Variants in LCP1 observed in about 807,000 individuals in gnomAD.
The protein encoded by LCP1 is plastin-2.
LCP1 carries 23 observed loss-of-function variants against 72.0 expected under a neutral mutation model. The ratio of observed to expected loss-of-function variants is 0.32; its 90% confidence interval spans 0.23 to 0.45. The LOEUF (loss-of-function observed/expected upper bound fraction) is 0.45, where lower values mean the gene tolerates loss of function less well. Ranked by LOEUF, LCP1 falls within the 20% of genes least tolerant of loss-of-function variation. LCP1 has a pLI of 1.00. For missense variants in LCP1, 571 were observed against 748.3 expected, an observed-to-expected ratio of 0.76 and a Z score of 2.76; for synonymous variants, 245 against 275.4, an observed-to-expected ratio of 0.89 and a Z score of 1.09.
At chr13:46,136,657 T>C (rs953719306) in intron 13 of LCP1, among the ~76,000 whole-genome samples, 3 of 152,234 alleles carry the variant, frequency 2.0e-5, no homozygotes, top group African/African-American at 7.2e-5. Flanking sequence ...TTACATTTTA[T>C]GGCATAACTG....
chr13:46,146,210 T>C (rs748246417), intron 10 of LCP1, among the ~76,000 whole-genome samples: 6 of 152,166 alleles, frequency 3.9e-5, no homozygotes, highest in Admixed American at 6.5e-5. Flanking sequence ...GCATTTCTAG[T>C]GAGAGTAAAG....
chr13:46,158,018 T>C (rs7996536), intron 4 of LCP1, among the ~76,000 whole-genome samples: 16,645 of 152,204 alleles, frequency 0.11, 3,069 homozygotes, highest in African/African-American at 0.38. Flanking sequence ...TGAGCCACTG[T>C]GCCCGGCCTC....
intron 13 of LCP1, among the ~76,000 whole-genome samples, chr13:46,140,366 TCCCA>T (rs1235686075): frequency 4.6e-5 from 7 of 152,128 alleles, no homozygotes; most frequent in Admixed American, 4.6e-4. Context: ...AAAAATTTGT[TCCCA>T]CCAGCTGGAG....
chr13:46,162,606 A>G (rs936466679), intron 1 of LCP1, among the ~76,000 whole-genome samples: 2 of 151,962 alleles, frequency 1.3e-5, no homozygotes, highest in Non-Finnish European at 2.9e-5. Context: ...TCAGTGCTCA[A>G]TGTTGCCCAG....
intron 3 of LCP1, 23 bp from the exon 4 acceptor site, chr13:46,158,674 T>C (rs941418989): frequency 6.2e-7 from 1 of 1,613,958 alleles, no homozygotes; most frequent in Admixed American, 1.7e-5. Context: ...AATGTATCTT[T>C]AGAAACTCAA....
chr13:46,157,843 C>T (rs1165337037), intron 4 of LCP1, among the ~76,000 whole-genome samples: 1 of 147,314 alleles, frequency 6.8e-6, no homozygotes, highest in East Asian at 2.0e-4. Context: ...GCCTCCTGGG[C>T]TCAAGCGATT....
intron 1 of LCP1, among the ~76,000 whole-genome samples, chr13:46,171,854 C>A (rs1050432747): frequency 6.6e-6 from 1 of 152,264 alleles, no homozygotes; most frequent in Non-Finnish European, 1.5e-5. Context: ...ATACAGTCAG[C>A]CCTCATTGTC....
At chr13:46,174,312 T>A (rs984575968) in intron 1 of LCP1, among the ~76,000 whole-genome samples, 3 of 152,232 alleles carry the variant, frequency 2.0e-5, no homozygotes, top group Admixed American at 6.5e-5. Context: ...TCATTTTTTT[T>A]AAAAGTTACA....
intron 13 of LCP1, among the ~76,000 whole-genome samples, chr13:46,141,881 T>C (rs2045700870): frequency 6.6e-6 from 1 of 152,098 alleles, no homozygotes; most frequent in Non-Finnish European, 1.5e-5. Flanking sequence ...CACAGATCAA[T>C]TGAAGTAAAA....
chr13:46,141,953 T>G (rs1370579240), intron 13 of LCP1, among the ~76,000 whole-genome samples: 1 of 152,146 alleles, frequency 6.6e-6, no homozygotes, highest in East Asian at 1.9e-4. Flanking sequence ...GAAGCAATAG[T>G]AGCTATTATC....
Position 46,127,203 on chromosome 13 carries a change from C to T in LCP1, c.*388G>A, listed in dbSNP as rs57510477. ...GCAGGTGTGATGTTTCCCCTCCTGG[C>T]CCTCATCTTGAACAAAGAAAAGGGA... On this transcript the variant is annotated 3_prime_UTR_variant, in exon 16 of 16. Coordinates refer to ENST00000323076, the MANE Select transcript of LCP1 (RefSeq NM_002298.5). The T allele has an allele frequency of 9.3e-3, 2,282 of 244,778 alleles. 46 individuals are homozygous for T. Among genetic ancestry groups the T allele is most frequent in the African/African-American group, 0.046 (2,088 of 45,528 alleles). The allele number at this position is 244,778 out of a possible 1,614,324, so 15.2% of individuals were successfully genotyped here.
chr13:46,141,981 A>T (rs1403523339), intron 13 of LCP1, among the ~76,000 whole-genome samples: 1 of 152,196 alleles, frequency 6.6e-6, no homozygotes, highest in African/African-American at 2.4e-5. Context: ...GTCAGAAAAA[A>T]TAGATTTCAG....
intron 1 of LCP1, among the ~76,000 whole-genome samples, chr13:46,176,410 T>C (rs900030807): frequency 3.9e-5 from 6 of 152,180 alleles, no homozygotes; most frequent in East Asian, 1.9e-4. Context: ...TCTATTATAA[T>C]CTCATGAATT....
intron 1 of LCP1, among the ~76,000 whole-genome samples, chr13:46,169,236 T>C (rs1289117970): frequency 1.3e-5 from 2 of 152,142 alleles, no homozygotes; most frequent in African/African-American, 2.4e-5. Flanking sequence ...GTAAGAACAA[T>C]CCCCCAAGAT....
At chr13:46,179,098 G>A (rs923367637) in intron 1 of LCP1, among the ~76,000 whole-genome samples, 1 of 152,180 alleles carries the variant, frequency 6.6e-6, no homozygotes, top group Non-Finnish European at 1.5e-5. Context: ...GGGTAGCTAA[G>A]TTTTGGCCCA....
At chr13:46,135,872 C>A (rs1260376965) in intron 13 of LCP1, among the ~76,000 whole-genome samples, 3 of 151,816 alleles carry the variant, frequency 2.0e-5, no homozygotes, top group African/African-American at 7.3e-5. Context: ...CTCAAGCAAG[C>A]CTCCCTAGTA....
chr13:46,148,662 A>G, intron 8 of LCP1: 1 of 511,836 alleles, frequency 2.0e-6, no homozygotes, highest in Non-Finnish European at 3.3e-6. Context: ...CGTAACAATA[A>G]AATAGACAAG....
At chr13:46,164,352 A>G (rs1036465450) in intron 1 of LCP1, among the ~76,000 whole-genome samples, 2 of 152,222 alleles carry the variant, frequency 1.3e-5, no homozygotes, top group Admixed American at 6.5e-5. Flanking sequence ...TTTTTTTACC[A>G]TAAAAATTGC....
Position 46,126,425 on chromosome 13 carries a change from T to C in LCP1, c.*1166A>G, listed in dbSNP as rs1051718782. On this transcript the variant is annotated 3_prime_UTR_variant, in exon 16 of 16. Coordinates refer to ENST00000323076, the MANE Select transcript of LCP1 (RefSeq NM_002298.5). ...CATAACGCAGTTCCACCATTTCTTA[T>C]CCAGCATAGATTCATTCTGCCCTTG... 5 of 232,294 alleles carry C rather than the reference T, an allele frequency of 2.2e-5. No individual in the cohort carries two copies. Among genetic ancestry groups the C allele is most frequent in the Non-Finnish European group, 4.3e-5 (5 of 117,228 alleles). The allele number at this position is 232,294 out of a possible 1,614,324, so 14.4% of individuals were successfully genotyped here.
Sources: allele counts gnomAD v4.1 joint callset (sites outside exome capture counted in the v4.1 genomes callset), GRCh38; gene constraint gnomAD v4.1.1; transcripts MANE v1.5; gene names NCBI Gene and HGNC (gene_info 2026-07-23, HGNC 2026-07-21).